Variants in TBC1D22A observed in about 807,000 individuals in gnomAD.
TBC1D22A encodes TBC1 domain family member 22A, also known as putative GTPase activator.
A neutral mutation model predicts 60.2 loss-of-function variants in TBC1D22A; 38 were observed. The observed-to-expected ratio is 0.63, with a 90% CI of 0.49 to 0.83. The LOEUF (loss-of-function observed/expected upper bound fraction) is 0.83, where lower values mean the gene tolerates loss of function less well. TBC1D22A is among the 40% of genes least tolerant of loss of function. The pLI, the probability that TBC1D22A is intolerant of heterozygous loss-of-function variation, is 0.00. For synonymous variants in TBC1D22A, 302 were observed against 281.7 expected, an observed-to-expected ratio of 1.07 and a Z score of -0.72; for missense variants, 628 against 701.0, an observed-to-expected ratio of 0.90 and a Z score of 1.18.
At chr22:47,046,074 G>A (rs1322889125) in intron 11 of TBC1D22A, among the ~76,000 whole-genome samples, 1 of 152,172 alleles carries the variant, frequency 6.6e-6, no homozygotes, top group Non-Finnish European at 1.5e-5. Flanking sequence ...TCCCTCATAT[G>A]GACTCGCTGA....
intron 1 of TBC1D22A, among the ~76,000 whole-genome samples, chr22:46,790,379 C>G (rs971348477): frequency 3.9e-5 from 6 of 152,240 alleles, no homozygotes; most frequent in Non-Finnish European, 5.9e-5. Flanking sequence ...CCAGGATGGT[C>G]TCCCACCTCA....
intron 9 of TBC1D22A, among the ~76,000 whole-genome samples, chr22:46,989,130 C>G (rs2074838188): frequency 6.6e-6 from 1 of 152,210 alleles, no homozygotes; most frequent in Non-Finnish European, 1.5e-5. Context: ...CCTCACTTCT[C>G]TCAGCCTTCA....
intron 12 of TBC1D22A, among the ~76,000 whole-genome samples, chr22:47,151,176 C>T (rs1204922643): frequency 6.6e-6 from 1 of 152,132 alleles, no homozygotes; most frequent in Non-Finnish European, 1.5e-5. Flanking sequence ...CTGTGCGGGC[C>T]CAGAGCCTCA....
chr22:46,908,646 C>T (rs1240823213), intron 7 of TBC1D22A, among the ~76,000 whole-genome samples: 2 of 152,204 alleles, frequency 1.3e-5, no homozygotes, highest in African/African-American at 4.8e-5. Flanking sequence ...AAGTACATTA[C>T]TACCCAGGCT....
intron 1 of TBC1D22A, chr22:46,789,211 T>A (rs1270049961): frequency 4.7e-6 from 1 of 211,222 alleles, no homozygotes; most frequent in Non-Finnish European, 1.0e-5. Flanking sequence ...CTACAAGCTC[T>A]GCCTCCTGGG....
intron 5 of TBC1D22A, among the ~76,000 whole-genome samples, chr22:46,887,633 T>C (rs2068186536): frequency 6.6e-6 from 1 of 152,176 alleles, no homozygotes; most frequent in Non-Finnish European, 1.5e-5. Context: ...AGTGTAACAC[T>C]GAATGAAAGC....
intron 11 of TBC1D22A, among the ~76,000 whole-genome samples, chr22:47,056,630 G>T (rs527845497): frequency 7.9e-5 from 12 of 152,280 alleles, no homozygotes; most frequent in African/African-American, 2.9e-4. Flanking sequence ...TGCCTGAGCC[G>T]TGCAGCTGGC....
chr22:46,901,547 C>T (rs775576082), intron 7 of TBC1D22A, among the ~76,000 whole-genome samples: 18 of 152,196 alleles, frequency 1.2e-4, no homozygotes, highest in African/African-American at 4.3e-4. Context: ...CATTTCTGCT[C>T]ATCGCGAGAG....
In TBC1D22A at chr22:47,173,720, C is replaced by G. The variant is rs1459763288; in HGVS notation, c.*94C>G. ...GCCCCTGTGAGCTGGTCCCGGGCTGCTAAAAGGCCTTGTGAGGTGGCCCCA... is the reference window on the plus strand; with the variant it reads ...GCCCCTGTGAGCTGGTCCCGGGCTGGTAAAAGGCCTTGTGAGGTGGCCCCA... On this transcript the variant is annotated 3_prime_UTR_variant, in exon 13 of 13. Coordinates refer to ENST00000337137, the MANE Select transcript of TBC1D22A (RefSeq NM_014346.5). 8 of 1,573,812 alleles carry G rather than the reference C, an allele frequency of 5.1e-6. No homozygotes were observed. In the East Asian group the frequency reaches 1.6e-4, roughly 31 times the overall value.
chr22:47,106,926 C>T (rs549333083), intron 11 of TBC1D22A, among the ~76,000 whole-genome samples: 76 of 152,196 alleles, frequency 5.0e-4, no homozygotes, highest in African/African-American at 1.8e-3. Flanking sequence ...AGCGAGACTC[C>T]ATCTCAAAAA....
chr22:46,832,409 G>C (rs2086350408), intron 4 of TBC1D22A, among the ~76,000 whole-genome samples: 1 of 152,258 alleles, frequency 6.6e-6, no homozygotes, highest in Non-Finnish European at 1.5e-5. Context: ...CCAGCACTTT[G>C]AGAGGCTGAA....
intron 4 of TBC1D22A, among the ~76,000 whole-genome samples, chr22:46,819,452 T>C (rs2085736952): frequency 6.6e-6 from 1 of 152,194 alleles, no homozygotes; most frequent in African/African-American, 2.4e-5. Flanking sequence ...AGGGATGTGA[T>C]GTTGAATTTT....
chr22:46,832,076 T>C (rs983465732), intron 4 of TBC1D22A, among the ~76,000 whole-genome samples: 2 of 152,330 alleles, frequency 1.3e-5, no homozygotes, highest in African/African-American at 4.8e-5. Context: ...AGTCAACTTC[T>C]CGGCTTCATG....
intron 11 of TBC1D22A, among the ~76,000 whole-genome samples, chr22:47,068,630 C>G (rs960419556): frequency 6.6e-6 from 1 of 152,206 alleles, no homozygotes; most frequent in Non-Finnish European, 1.5e-5. Flanking sequence ...AGTGGTTGCT[C>G]TATTCATGGA....
At chr22:46,974,509 T>C in intron 9 of TBC1D22A, 110 bp downstream of exon 9, 1 of 864,740 alleles carries the variant, frequency 1.2e-6, no homozygotes, top group South Asian at 1.5e-5. Context: ...CAGTCCCTCC[T>C]GAAGCCTCAC....
At chr22:46,904,337 T>TCTG (rs112109390) in intron 7 of TBC1D22A, among the ~76,000 whole-genome samples, 58,184 of 151,700 alleles carry the variant, frequency 0.38, 13,977 homozygotes, top group African/African-American at 0.65. Flanking sequence ...TTCAGTGATG[T>TCTG]CTATGTGGCG....
intron 5 of TBC1D22A, among the ~76,000 whole-genome samples, chr22:46,885,282 A>G (rs1041323647): frequency 2.0e-5 from 3 of 151,942 alleles, no homozygotes; most frequent in Admixed American, 6.5e-5. Flanking sequence ...GGCTCTCCTG[A>G]GCAGTGTGGG....
chr22:46,873,255 A>C (rs983052458), intron 4 of TBC1D22A, among the ~76,000 whole-genome samples: 5 of 152,224 alleles, frequency 3.3e-5, no homozygotes, highest in African/African-American at 4.8e-5. Flanking sequence ...CCTCACAAAA[A>C]GTAGAGAGAT....
chr22:46,798,667 G>T lies in TBC1D22A; in HGVS notation c.637+1047G>T, dbSNP rs145826412. ...GAGCTCTCGGGAGGACCGGAATGTG[G>T]CCTTGGTCATGAGATTGCTTCATTG... On this transcript the variant is annotated intron_variant, in intron 4 of 12. Transcript: ENST00000337137. 3.9e-4 allele frequency among the ~76,000 whole-genome samples: 59 copies of T among 152,360 alleles called. 1 individual carries two copies. Among genetic ancestry groups the T allele is most frequent in the African/African-American group, 1.3e-3 (56 of 41,588 alleles).
Sources: gnomAD v4.1 joint callset for allele counts (sites outside exome capture counted in the v4.1 genomes callset) on GRCh38, gnomAD v4.1.1 for gene constraint, MANE v1.5 for transcripts, NCBI Gene and HGNC (gene_info 2026-07-23, HGNC 2026-07-21) for gene names.